Variants in GLRB observed in about 807,000 individuals in gnomAD.
The protein encoded by GLRB is glycine receptor subunit beta.
A neutral mutation model predicts 54.2 loss-of-function variants in GLRB; 33 were observed. The observed-to-expected ratio is 0.61, with a 90% CI of 0.46 to 0.81. The LOEUF (loss-of-function observed/expected upper bound fraction) is 0.81, where lower values mean the gene tolerates loss of function less well. GLRB is among the 40% of genes least tolerant of loss of function. The pLI is 0.00. For synonymous variants in GLRB, 209 were observed against 208.2 expected (o/e 1.00, Z -0.03); for missense variants, 572 against 584.6 (o/e 0.98, Z 0.22).
At chr4:157,097,382 GA>G (rs1734851124) in intron 2 of GLRB, among the ~76,000 whole-genome samples, 1 of 152,144 alleles carries the variant, frequency 6.6e-6, no homozygotes, top group Admixed American at 6.5e-5. Flanking sequence ...GATGTTTTAT[GA>G]AGAAGTGATT....
chr4:157,143,985 A>C (rs1249017127), intron 8 of GLRB, 26 bp downstream of exon 8: 7 of 1,601,908 alleles, frequency 4.4e-6, no homozygotes, highest in Non-Finnish European at 6.0e-6. Context: ...CTTTTTTGTC[A>C]CATCAGGAAC....
intron 2 of GLRB, among the ~76,000 whole-genome samples, chr4:157,081,148 G>A (rs1012808610): frequency 4.6e-5 from 7 of 152,088 alleles, no homozygotes; most frequent in Admixed American, 2.0e-4. Context: ...TTTAATATGT[G>A]TTAACAAATA....
At chr4:157,121,556 T>C (rs1393331497) in intron 3 of GLRB, among the ~76,000 whole-genome samples, 1 of 151,512 alleles carries the variant, frequency 6.6e-6, no homozygotes, top group East Asian at 1.9e-4. Context: ...TTTTTGTTCA[T>C]TACCAGGACC....
chr4:157,090,595 G>A (rs527619152), intron 2 of GLRB, among the ~76,000 whole-genome samples: 4 of 152,124 alleles, frequency 2.6e-5, no homozygotes, highest in African/African-American at 9.7e-5. Context: ...TTACAAGAGA[G>A]GTGCAATGTG....
Position 157,138,810 on chromosome 4 carries a change from T to C in GLRB, c.612T>C (p.Phe204=). The change falls in exon 7 of 10, where the codon TTT becomes TTC. Residue 204 remains phenylalanine (F), a splice_region_variant and synonymous_variant. Transcript: ENST00000264428. Reference sequence around the variant, plus strand: ...ACATTTATTTGTTTTTGTTTATAGTTGGTTACACAACTGATGATTTACGAT... The same window carrying C: ...ACATTTATTTGTTTTTGTTTATAGTCGGTTACACAACTGATGATTTACGAT... ...TQRCKMQLES[F]GYTTDDLRFI... is the part of the protein sequence containing the mutation. 1 of 1,492,000 alleles carries C rather than the reference T, an allele frequency of 6.7e-7. No individual in the cohort carries two copies. The highest frequency in any genetic ancestry group is 9.3e-7 in the Non-Finnish European group (1 of 1,071,718). The allele number at this position is 1,492,000 out of a possible 1,614,324, so 92.4% of individuals were successfully genotyped here.
intron 7 of GLRB, 110 bp from the exon 8 acceptor site, chr4:157,143,697 T>C (rs1736698661): frequency 1.9e-6 from 2 of 1,069,646 alleles, no homozygotes; most frequent in African/African-American, 1.6e-5. Context: ...GCATTTCCTC[T>C]GTGAAATTGC....
chr4:157,092,021 T>C (rs1734636604), intron 2 of GLRB, among the ~76,000 whole-genome samples: 1 of 151,966 alleles, frequency 6.6e-6, no homozygotes, highest in African/African-American at 2.4e-5. Flanking sequence ...TGAATTAATA[T>C]GGAGGAGAAA....
At chr4:157,105,082 T>C (rs1217687399) in intron 2 of GLRB, among the ~76,000 whole-genome samples, 1 of 151,732 alleles carries the variant, frequency 6.6e-6, no homozygotes, top group African/African-American at 2.4e-5. Flanking sequence ...TCTGCTAACT[T>C]TGGGCTTTTT....
At chr4:157,137,212 T>C (rs539642401) in intron 6 of GLRB, among the ~76,000 whole-genome samples, 2 of 152,174 alleles carry the variant, frequency 1.3e-5, no homozygotes, top group Non-Finnish European at 2.9e-5. Flanking sequence ...ATAGCATTTC[T>C]GATGTTAAAA....
At chr4:157,117,127 C>G (rs1033745126) in intron 2 of GLRB, among the ~76,000 whole-genome samples, 1 of 151,552 alleles carries the variant, frequency 6.6e-6, no homozygotes, top group Non-Finnish European at 1.5e-5. Flanking sequence ...ATTTTCAGTA[C>G]TAATGATTTT....
At position 157,110,162 on chromosome 4, in the gene GLRB, T is replaced by C. The variant is rs925933972; in HGVS notation, c.123-10394T>C. Reference sequence around the variant, plus strand: ...ACCAGCCCCCATCCTAAGGCTATTCTAGGGGCCATGAACTGCCAGTCATCT... The same window carrying C: ...ACCAGCCCCCATCCTAAGGCTATTCCAGGGGCCATGAACTGCCAGTCATCT... On this transcript the variant is annotated intron_variant, in intron 2 of 9. Transcript: ENST00000264428. 5.9e-5 allele frequency among the ~76,000 whole-genome samples: 9 copies of C among 151,938 alleles called. No individual in the cohort carries two copies. The East Asian group carries it at 1.7e-3, about 29-fold the overall frequency.
chr4:157,136,797 C>T lies in GLRB; in HGVS notation c.528-7C>T, dbSNP rs376543681. 6.3e-7 allele frequency: 1 copy of T among 1,595,992 alleles called. No individual in the cohort carries two copies. The highest frequency in any genetic ancestry group is 8.6e-7 in the Non-Finnish European group (1 of 1,163,628). ...AAATTATTTCTAAGACCCATTTCTGCTTCCAGGTTATCTATTACTCTTTCA... is the reference window on the plus strand; with the variant it reads ...AAATTATTTCTAAGACCCATTTCTGTTTCCAGGTTATCTATTACTCTTTCA... On this transcript the variant is annotated splice_polypyrimidine_tract_variant and splice_region_variant and intron_variant, in intron 5 of 9. Coordinates refer to ENST00000264428, the MANE Select transcript of GLRB (RefSeq NM_000824.5).
In GLRB at chr4:157,082,961, G is replaced by GTT. The variant is rs1489347569; in HGVS notation, c.122+4818_122+4819dup. On this transcript the variant is annotated intron_variant, in intron 2 of 9. Coordinates refer to ENST00000264428, the MANE Select transcript of GLRB (RefSeq NM_000824.5). ...AATAATTATCAGACAAATGAATAGT[G>GTT]TTTTATATATATATATATATATATA... 1.5e-3 allele frequency among the ~76,000 whole-genome samples: 189 copies of GTT among 126,990 alleles called. 1 individual carries two copies. Among genetic ancestry groups the GTT allele is most frequent in the African/African-American group, 4.8e-3 (145 of 30,110 alleles). 83.3% of individuals were successfully genotyped at this position (126,990 alleles called of 152,430 possible).
chr4:157,162,597 T>C (rs1430632154), intron 9 of GLRB, among the ~76,000 whole-genome samples: 1 of 152,128 alleles, frequency 6.6e-6, no homozygotes, highest in Non-Finnish European at 1.5e-5. Flanking sequence ...TTGCCGGAGG[T>C]CCACTCCAGC....
chr4:157,093,857 C>A (rs1413760326), intron 2 of GLRB, among the ~76,000 whole-genome samples: 1 of 150,418 alleles, frequency 6.6e-6, no homozygotes, highest in Non-Finnish European at 1.5e-5. Flanking sequence ...AGTGAGTTAT[C>A]TTTTAAACCA....
At chr4:157,126,050 A>G (rs1211788932) in intron 4 of GLRB, among the ~76,000 whole-genome samples, 1 of 151,924 alleles carries the variant, frequency 6.6e-6, no homozygotes, top group Non-Finnish European at 1.5e-5. Flanking sequence ...TAACATGAAT[A>G]GCCACGAGTC....
intron 2 of GLRB, among the ~76,000 whole-genome samples, chr4:157,109,727 A>C (rs1735348078): frequency 6.6e-6 from 1 of 152,004 alleles, no homozygotes; most frequent in African/African-American, 2.4e-5. Context: ...TCCCCTGATC[A>C]TGTCCTTGGG....
chr4:157,145,348 T>A (rs1181531226), intron 8 of GLRB, among the ~76,000 whole-genome samples: 1 of 152,122 alleles, frequency 6.6e-6, no homozygotes. Flanking sequence ...GACAACAGAT[T>A]TAACTTCTTT....
chr4:157,153,110 C>A, intron 9 of GLRB, 100 bp downstream of exon 9: 2 of 1,062,322 alleles, frequency 1.9e-6, no homozygotes, highest in Non-Finnish European at 2.9e-6. Context: ...ATGGAATTGG[C>A]ATTTGCTTGT....
Sources: allele counts gnomAD v4.1 joint callset (sites outside exome capture counted in the v4.1 genomes callset), GRCh38; gene constraint gnomAD v4.1.1; transcripts MANE v1.5; gene names NCBI Gene and HGNC (gene_info 2026-07-23, HGNC 2026-07-21).